CNTNAP5: variants seen among roughly 807,000 people sequenced by gnomAD.
CNTNAP5 encodes the protein contactin-associated protein-like 5.
A neutral mutation model predicts 150.2 loss-of-function variants in CNTNAP5; 72 were observed. The observed-to-expected ratio is 0.48, with a 90% confidence interval of 0.40 to 0.58. The LOEUF (loss-of-function observed/expected upper bound fraction) is 0.58, where lower values mean the gene tolerates loss of function less well. Ranked by LOEUF, CNTNAP5 falls within the 20% of genes least tolerant of loss-of-function variation. The pLI, the probability that CNTNAP5 is intolerant of heterozygous loss-of-function variation, is 0.00. For missense variants in CNTNAP5, 1,636 were observed against 1,626.2 expected (o/e 1.01, Z -0.10); for synonymous variants, 672 against 619.8 (o/e 1.08, Z -1.25).
chr2:124,400,274 C>T (rs1174939108), intron 3 of CNTNAP5, among the ~76,000 whole-genome samples: 1 of 151,732 alleles, frequency 6.6e-6, no homozygotes, highest in Non-Finnish European at 1.5e-5. Context: ...AATATATATG[C>T]ATATATTTAG....
chr2:124,658,556 T>C (rs796985437), intron 13 of CNTNAP5, among the ~76,000 whole-genome samples: 15 of 152,150 alleles, frequency 9.9e-5, no homozygotes, highest in African/African-American at 3.1e-4. Flanking sequence ...AATATAGTTA[T>C]GTAATAGGTG....
intron 1 of CNTNAP5, among the ~76,000 whole-genome samples, chr2:124,168,073 G>C (rs1027884655): frequency 6.6e-6 from 1 of 152,134 alleles, no homozygotes. Flanking sequence ...ACTGTTGTGA[G>C]GATTAAACAA....
chr2:124,655,923 A>AAAAGAGAGAGAGAG (rs1678434644), intron 13 of CNTNAP5, among the ~76,000 whole-genome samples: 3 of 106,000 alleles, frequency 2.8e-5, no homozygotes, highest in African/African-American at 1.1e-4. Flanking sequence ...GAAAGACAGA[A>AAAAGAGAGAGAGAG]AGAGAGAGAG....
chr2:124,763,857 T>C (rs1413252682), intron 15 of CNTNAP5, 58 bp downstream of exon 15: 5 of 1,609,018 alleles, frequency 3.1e-6, no homozygotes, highest in East Asian at 2.2e-5. Context: ...AAGATGTTCT[T>C]ACTCCCTTAT....
intron 13 of CNTNAP5, among the ~76,000 whole-genome samples, chr2:124,709,255 G>A (rs34090511): frequency 0.16 from 24,427 of 151,586 alleles, 2,221 homozygotes; most frequent in East Asian, 0.23. Flanking sequence ...GTGTGTGTGT[G>A]TGTGCTCTTT....
At chr2:124,713,314 CTTTCCTTTCTTTCTTTCTTTCTT>C (rs1679867148) in intron 13 of CNTNAP5, among the ~76,000 whole-genome samples, 2 of 79,874 alleles carry the variant, frequency 2.5e-5, no homozygotes, top group African/African-American at 8.3e-5. Flanking sequence ...CTTTCTCTTT[CTTTCCTTTCTTTCTTTCTTTCTT>C]TCTTTCTTTC....
intron 1 of CNTNAP5, among the ~76,000 whole-genome samples, chr2:124,130,894 T>G (rs949425839): frequency 1.3e-5 from 2 of 152,140 alleles, no homozygotes; most frequent in African/African-American, 4.8e-5. Context: ...TCATTAAAAT[T>G]ATTTGTATGC....
intron 13 of CNTNAP5, among the ~76,000 whole-genome samples, chr2:124,668,634 A>C (rs1234185451): frequency 6.6e-6 from 1 of 152,158 alleles, no homozygotes; most frequent in Non-Finnish European, 1.5e-5. Flanking sequence ...TGATGCATGG[A>C]TGGAATTTTT....
At chr2:124,671,742 T>C (rs11682820) in intron 13 of CNTNAP5, among the ~76,000 whole-genome samples, 38,079 of 152,096 alleles carry the variant, frequency 0.25, 5,157 homozygotes, top group African/African-American at 0.36. Context: ...CAGGTTCAAG[T>C]GATTCTCTTG....
At chr2:124,218,621 C>T (rs992482432) in intron 1 of CNTNAP5, among the ~76,000 whole-genome samples, 2 of 152,014 alleles carry the variant, frequency 1.3e-5, no homozygotes, top group African/African-American at 4.8e-5. Context: ...GAACAACTGT[C>T]CCTGGAAACT....
At chr2:124,255,381 G>A (rs936769709) in intron 3 of CNTNAP5, among the ~76,000 whole-genome samples, 4 of 151,798 alleles carry the variant, frequency 2.6e-5, no homozygotes, top group African/African-American at 7.2e-5. Flanking sequence ...AAATTTAGCC[G>A]GGTGTGGTGG....
At chr2:124,126,213 TA>T (rs530037221) in intron 1 of CNTNAP5, among the ~76,000 whole-genome samples, 2,239 of 151,722 alleles carry the variant, frequency 0.015, 55 homozygotes, top group African/African-American at 0.051. Context: ...ATAGACGCAA[TA>T]AAAAAATGAT....
At chr2:124,172,504 C>G (rs1047625823) in intron 1 of CNTNAP5, among the ~76,000 whole-genome samples, 1 of 152,170 alleles carries the variant, frequency 6.6e-6, no homozygotes, top group Non-Finnish European at 1.5e-5. Context: ...CCTCTGACCC[C>G]GGGGATCAAG....
intron 1 of CNTNAP5, among the ~76,000 whole-genome samples, chr2:124,210,073 C>T (rs538411122): frequency 6.6e-6 from 1 of 152,260 alleles, no homozygotes; most frequent in South Asian, 2.1e-4. Context: ...AAATTTTATT[C>T]TGAAGGCATG....
intron 2 of CNTNAP5, among the ~76,000 whole-genome samples, chr2:124,241,871 A>T (rs1553450769): frequency 6.6e-6 from 1 of 152,172 alleles, no homozygotes; most frequent in Non-Finnish European, 1.5e-5. Flanking sequence ...TATATCTGCA[A>T]TCAAAGGCTG....
chr2:124,790,716 T>C (rs931271897), intron 18 of CNTNAP5, among the ~76,000 whole-genome samples: 6 of 152,154 alleles, frequency 3.9e-5, no homozygotes, highest in Non-Finnish European at 8.8e-5. Flanking sequence ...CACATGAAAG[T>C]CAAATTTTCT....
At chr2:124,713,525 A>G (rs12992531) in intron 13 of CNTNAP5, among the ~76,000 whole-genome samples, 24,069 of 150,902 alleles carry the variant, frequency 0.16, 2,180 homozygotes, top group South Asian at 0.22. Flanking sequence ...TTACAAGTGC[A>G]TCACCAGGCT....
intron 21 of CNTNAP5, 43 bp from the exon 22 acceptor site, chr2:124,902,839 A>C: frequency 6.8e-7 from 1 of 1,469,070 alleles, no homozygotes; most frequent in African/African-American, 1.4e-5. Context: ...ATTTGGAAAA[A>C]ACAAAAAAAG....
intron 1 of CNTNAP5, among the ~76,000 whole-genome samples, chr2:124,211,651 A>G (rs1686016130): frequency 6.6e-6 from 1 of 152,192 alleles, no homozygotes; most frequent in Admixed American, 6.5e-5. Context: ...TCAAATTATC[A>G]GTACACGTTT....
Sources: allele counts gnomAD v4.1 joint callset (sites outside exome capture counted in the v4.1 genomes callset), GRCh38; gene constraint gnomAD v4.1.1; transcripts MANE v1.5; gene names NCBI Gene and HGNC (gene_info 2026-07-23, HGNC 2026-07-21).